AGAP1: variants seen among roughly 807,000 people sequenced by gnomAD.
The protein encoded by AGAP1 is ArfGAP with GTPase domain, ankyrin repeat and PH domain 1.
In AGAP1, 29 loss-of-function variants were observed where a neutral mutation model predicts 105.3. That is an observed-to-expected ratio of 0.28 (90% CI 0.21 to 0.38). The LOEUF (loss-of-function observed/expected upper bound fraction) is 0.38, where lower values mean the gene tolerates loss of function less well. Ranked by LOEUF, AGAP1 falls within the 10% of genes least tolerant of loss-of-function variation. AGAP1 has a pLI of 1.00. For synonymous variants in AGAP1, 509 were observed against 485.9 expected (o/e 1.05, Z -0.63); for missense variants, 998 against 1,165.1 (o/e 0.86, Z 2.09).
At chr2:235,654,153 C>A (rs984575728) in intron 1 of AGAP1, among the ~76,000 whole-genome samples, 56 of 152,122 alleles carry the variant, frequency 3.7e-4, no homozygotes, top group Non-Finnish European at 6.9e-4. Context: ...AATCAGTGTC[C>A]TTTAGGTTCA....
At chr2:235,999,569 A>G (rs1194022906) in intron 13 of AGAP1, among the ~76,000 whole-genome samples, 3 of 75,974 alleles carry the variant, frequency 3.9e-5, no homozygotes, top group Non-Finnish European at 4.8e-5. Flanking sequence ...TAGCATGATG[A>G]CCAATATGAT....
rs1011582145 is a variant in AGAP1 at position 235,934,657 on chromosome 2, G to A, written c.1483+3734G>A. Among the ~76,000 whole-genome samples the A allele has an allele frequency of 2.6e-5, 4 of 152,118 alleles. No individual in the cohort carries two copies. Among genetic ancestry groups the A allele is most frequent in the African/African-American group, 4.8e-5 (2 of 41,412 alleles). ...TCATGCTCTTTCTTCTTAAGTTGCCGGTGATATAAGTCCCCCCTGCCCCCA... is the reference window on the plus strand; with the variant it reads ...TCATGCTCTTTCTTCTTAAGTTGCCAGTGATATAAGTCCCCCCTGCCCCCA... On this transcript the variant is annotated intron_variant, in intron 12 of 17. Coordinates refer to ENST00000304032, the MANE Select transcript of AGAP1 (RefSeq NM_001037131.3). The surrounding 1 kb of genome is among the most constrained non-coding windows in gnomAD (Gnocchi z 4.9).
At chr2:235,675,934 A>G (rs1948712705) in intron 1 of AGAP1, among the ~76,000 whole-genome samples, 1 of 152,242 alleles carries the variant, frequency 6.6e-6, no homozygotes, top group Non-Finnish European at 1.5e-5. Context: ...GAGGTCCTCC[A>G]GTGTTGACAG....
At chr2:235,567,556 T>C (rs1944386441) in intron 1 of AGAP1, among the ~76,000 whole-genome samples, 1 of 152,226 alleles carries the variant, frequency 6.6e-6, no homozygotes. Context: ...TGTCTTTTCA[T>C]GGGTCTCAGG....
At chr2:235,954,971 G>A (rs930546392) in intron 12 of AGAP1, among the ~76,000 whole-genome samples, 5 of 152,300 alleles carry the variant, frequency 3.3e-5, no homozygotes, top group South Asian at 2.1e-4. Flanking sequence ...TTGGTTTGGC[G>A]TGGAGGGTAG....
intron 1 of AGAP1, among the ~76,000 whole-genome samples, chr2:235,638,261 G>A (rs988954876): frequency 6.6e-6 from 1 of 152,142 alleles, no homozygotes; most frequent in Admixed American, 6.5e-5. Context: ...TATAAGGTAG[G>A]AGGTTCGATC....
At chr2:235,584,777 G>A (rs1294573670) in intron 1 of AGAP1, among the ~76,000 whole-genome samples, 2 of 151,940 alleles carry the variant, frequency 1.3e-5, no homozygotes, top group Admixed American at 6.6e-5. Context: ...CAACCTCTGA[G>A]TACCTGTTTG....
chr2:235,903,595 A>G (rs1403668616), intron 10 of AGAP1, among the ~76,000 whole-genome samples: 2 of 152,182 alleles, frequency 1.3e-5, no homozygotes, highest in African/African-American at 2.4e-5. Flanking sequence ...TTTGAGCTTA[A>G]CTTCAAGTGC....
rs548588977 is a variant in AGAP1 at position 235,596,913 on chromosome 2, A to G, written c.163+102064A>G. 1.1e-4 allele frequency among the ~76,000 whole-genome samples: 16 copies of G among 152,138 alleles called. No homozygotes were observed. Among genetic ancestry groups the G allele is most frequent in the Admixed American group, 5.9e-4 (9 of 15,282 alleles). On this transcript the variant is annotated intron_variant, in intron 1 of 17. Transcript: ENST00000304032. The surrounding 1 kb of genome is among the most constrained non-coding windows in gnomAD (Gnocchi z 5.9). ...CTCAGGAGCGCTTGCTCTGTACCCT[A>G]TGAGGACATCATGAGGAGATATGGC...
Position 235,968,609 on chromosome 2 carries a change from C to T in AGAP1, c.1631C>T (p.Ser544Phe). ...STSNFKADGL[S>F]GTAEEQEENF... ...AGCAACTTCAAAGCCGACGGCCTGTCCGGCACTGCTGAAGGTAAGGGTTCC... is the reference window on the plus strand; with the variant it reads ...AGCAACTTCAAAGCCGACGGCCTGTTCGGCACTGCTGAAGGTAAGGGTTCC... Residue 544 changes from serine to phenylalanine, a missense_variant, in exon 13 of 18, where the codon TCC becomes TTC. Ser to Phe is a radical substitution (Grantham distance 155). Coordinates refer to ENST00000304032, the MANE Select transcript of AGAP1 (RefSeq NM_001037131.3). 6.2e-7 allele frequency: 1 copy of T among 1,607,586 alleles called. No homozygotes were observed. The highest frequency in any genetic ancestry group is 8.5e-7 in the Non-Finnish European group (1 of 1,177,484).
chr2:235,782,116 A>G (rs576335840), intron 6 of AGAP1, among the ~76,000 whole-genome samples: 1 of 152,336 alleles, frequency 6.6e-6, no homozygotes, highest in African/African-American at 2.4e-5. Flanking sequence ...GGAGCTGGGC[A>G]GGTGCCCTCC....
At position 235,979,936 on chromosome 2, in the gene AGAP1, C is replaced by T. The variant is rs1477876039; in HGVS notation, c.1645+11313C>T. On this transcript the variant is annotated intron_variant, in intron 13 of 17. Transcript: ENST00000304032. This position sits in a 1 kb window ranked among gnomAD's most constrained non-coding sequence, Gnocchi z 4.5. Reference sequence around the variant, plus strand: ...ATGTGATCATTATCTGCCACCTCGTCGCCTTGCTGCCTCTGCATGCAGTAA... The same window carrying T: ...ATGTGATCATTATCTGCCACCTCGTTGCCTTGCTGCCTCTGCATGCAGTAA... Among the ~76,000 whole-genome samples, 1 of 152,142 alleles carries T rather than the reference C, an allele frequency of 6.6e-6. No homozygotes were observed. The highest frequency in any genetic ancestry group is 1.9e-4 in the East Asian group (1 of 5,194).
intron 12 of AGAP1, among the ~76,000 whole-genome samples, chr2:235,949,310 A>G (rs1205076983): frequency 6.6e-6 from 1 of 152,182 alleles, no homozygotes; most frequent in African/African-American, 2.4e-5. Flanking sequence ...TGGATTAGGG[A>G]TACTCAACCT....
chr2:235,954,352 A>G (rs1200815504), intron 12 of AGAP1, among the ~76,000 whole-genome samples: 2 of 152,014 alleles, frequency 1.3e-5, no homozygotes, highest in Admixed American at 1.3e-4. Flanking sequence ...GGAGCTGGGA[A>G]GAGAGGCTGC....
intron 13 of AGAP1, among the ~76,000 whole-genome samples, chr2:236,007,145 C>T (rs1307364938): frequency 6.6e-6 from 1 of 152,230 alleles, no homozygotes; most frequent in Non-Finnish European, 1.5e-5. Flanking sequence ...TGCTTTTCCA[C>T]TCTGATCTTT....
At chr2:235,512,826 C>T (rs1445639318) in intron 1 of AGAP1, among the ~76,000 whole-genome samples, 1 of 152,186 alleles carries the variant, frequency 6.6e-6, no homozygotes, top group Non-Finnish European at 1.5e-5. Flanking sequence ...CCTTTGCCTT[C>T]CTCTCCAGGA....
At position 235,967,963 on chromosome 2, in the gene AGAP1, A is replaced by G. The variant is rs1421243752; in HGVS notation, c.1484-499A>G. Among the ~76,000 whole-genome samples the G allele has an allele frequency of 6.6e-6, 1 of 152,198 alleles. No homozygotes were observed. Among genetic ancestry groups the G allele is most frequent in the African/African-American group, 2.4e-5 (1 of 41,454 alleles). On this transcript the variant is annotated intron_variant, in intron 12 of 17. Coordinates refer to ENST00000304032, the MANE Select transcript of AGAP1 (RefSeq NM_001037131.3). The surrounding 1 kb of genome is among the most constrained non-coding windows in gnomAD (Gnocchi z 4.7). ...CATAGAATTTTTCACTGATAATAAA[A>G]CAAGATGAAGTTATAGTCATCTGTA...
At position 235,741,785 on chromosome 2, in the gene AGAP1, G is replaced by A. The variant is rs1431202431; in HGVS notation, c.396+737G>A. Among the ~76,000 whole-genome samples, 6 of 148,346 alleles carry A rather than the reference G, an allele frequency of 4.0e-5. No individual in the cohort carries two copies. The highest frequency in any genetic ancestry group is 7.4e-5 in the Non-Finnish European group (5 of 67,426). Reference sequence around the variant, plus strand: ...TATTTTTTTTTTTTGAGACAGTCTCGCTCTGTTACCCAGGCTGGAGTGCAG... The same window carrying A: ...TATTTTTTTTTTTTGAGACAGTCTCACTCTGTTACCCAGGCTGGAGTGCAG... On this transcript the variant is annotated intron_variant, in intron 4 of 17. Coordinates refer to ENST00000304032, the MANE Select transcript of AGAP1 (RefSeq NM_001037131.3). The surrounding 1 kb of genome is among the most constrained non-coding windows in gnomAD (Gnocchi z 4.9).
At position 236,045,377 on chromosome 2, in the gene AGAP1, A is replaced by G. The variant is rs1211824223; in HGVS notation, c.1892-3682A>G. Among the ~76,000 whole-genome samples the G allele has an allele frequency of 6.6e-6, 1 of 152,226 alleles. No homozygotes were observed. The highest frequency in any genetic ancestry group is 1.5e-5 in the Non-Finnish European group (1 of 68,042). ...GAAGGAACAGATGTAATTACAGCCA[A>G]CACCTAACACTGTACTTCCCGTGGG... On this transcript the variant is annotated intron_variant, in intron 15 of 17. Coordinates refer to ENST00000304032, the MANE Select transcript of AGAP1 (RefSeq NM_001037131.3). The surrounding 1 kb of genome is among the most constrained non-coding windows in gnomAD (Gnocchi z 6.9).
Sources: gnomAD v4.1 joint callset for allele counts (sites outside exome capture counted in the v4.1 genomes callset) on GRCh38, gnomAD v4.1.1 for gene constraint, Gnocchi (gnomAD v3.1) non-coding constraint, MANE v1.5 for transcripts, NCBI Gene and HGNC (gene_info 2026-07-23, HGNC 2026-07-21) for gene names.